Variants in CDH13 observed in about 807,000 individuals in gnomAD.
CDH13 encodes the protein cadherin-13.
Under a neutral mutation model 63.8 loss-of-function variants are expected in CDH13, and 24 were observed. The ratio of observed to expected loss-of-function variants is 0.38; its 90% CI spans 0.27 to 0.53. The LOEUF (loss-of-function observed/expected upper bound fraction) is 0.53. Among genes scored for constraint, CDH13 ranks in the 20% least tolerant of loss-of-function variants. The probability of loss-of-function intolerance (pLI) is 0.85; values close to 1 mark genes in which losing one functional copy is unlikely to be tolerated. For missense variants in CDH13, 1,049 were observed against 903.1 expected (o/e 1.16, Z -2.07); for synonymous variants, 503 against 355.3 (o/e 1.42, Z -4.67).
At chr16:83,044,655 C>G (rs902519363) in intron 3 of CDH13, among the ~76,000 whole-genome samples, 2 of 152,100 alleles carry the variant, frequency 1.3e-5, no homozygotes, top group African/African-American at 2.4e-5. Context: ...TATGCATTAC[C>G]CGATTTAAGC....
intron 1 of CDH13, among the ~76,000 whole-genome samples, chr16:82,753,247 C>T (rs2034489129): frequency 6.6e-6 from 1 of 152,186 alleles, no homozygotes; most frequent in Admixed American, 6.5e-5. Flanking sequence ...TGGATGGCAT[C>T]TCAGTTCAAT....
At chr16:83,621,911 C>T (rs1032894167) in intron 8 of CDH13, among the ~76,000 whole-genome samples, 1 of 152,088 alleles carries the variant, frequency 6.6e-6, no homozygotes, top group Non-Finnish European at 1.5e-5. Context: ...TCTGTCCCTC[C>T]GTCATTTCTT....
intron 1 of CDH13, among the ~76,000 whole-genome samples, chr16:82,772,483 G>A (rs7195472): frequency 0.08 from 12,230 of 152,208 alleles, 607 homozygotes; most frequent in East Asian, 0.23. Context: ...GTGAGAGGGA[G>A]GGGAACATGC....
At chr16:83,271,553 G>A (rs1156304743) in intron 5 of CDH13, among the ~76,000 whole-genome samples, 1 of 142,702 alleles carries the variant, frequency 7.0e-6, no homozygotes, top group African/African-American at 2.6e-5. Flanking sequence ...GTACCTAGAA[G>A]TAACTGTCCA....
At chr16:82,845,186 G>C (rs1018929612) in intron 1 of CDH13, among the ~76,000 whole-genome samples, 2 of 152,144 alleles carry the variant, frequency 1.3e-5, no homozygotes, top group Non-Finnish European at 2.9e-5. Context: ...TAGACAGCCA[G>C]GGGCCAGTGC....
At chr16:82,722,270 G>A (rs1411481600) in intron 1 of CDH13, among the ~76,000 whole-genome samples, 4 of 152,086 alleles carry the variant, frequency 2.6e-5, no homozygotes, top group African/African-American at 4.8e-5. Context: ...GAATACAGGG[G>A]CTTGAATCTT....
At chr16:82,812,490 G>T (rs1276446067) in intron 1 of CDH13, among the ~76,000 whole-genome samples, 2 of 152,110 alleles carry the variant, frequency 1.3e-5, no homozygotes, top group Non-Finnish European at 2.9e-5. Flanking sequence ...GCCAGGTGAG[G>T]TGGTGGAGGT....
intron 2 of CDH13, among the ~76,000 whole-genome samples, chr16:82,967,066 C>G (rs1258505936): frequency 6.6e-6 from 1 of 152,138 alleles, no homozygotes; most frequent in Non-Finnish European, 1.5e-5. Context: ...TTTGTTCTGT[C>G]TTTCGTGACC....
chr16:82,819,254 C>G (rs960808267), intron 1 of CDH13, among the ~76,000 whole-genome samples: 1 of 152,138 alleles, frequency 6.6e-6, no homozygotes, highest in African/African-American at 2.4e-5. Flanking sequence ...CATATTTTAG[C>G]CTGCTAAGCA....
At chr16:83,370,190 A>G (rs147640717) in intron 6 of CDH13, among the ~76,000 whole-genome samples, 1 of 152,288 alleles carries the variant, frequency 6.6e-6, no homozygotes, top group African/African-American at 2.4e-5. Context: ...GATTGAGACC[A>G]TCCTGGCTAA....
At chr16:82,853,476 A>G (rs184379634) in intron 1 of CDH13, among the ~76,000 whole-genome samples, 2 of 152,204 alleles carry the variant, frequency 1.3e-5, no homozygotes, top group South Asian at 4.1e-4. Flanking sequence ...GCTCTTTACA[A>G]TAATTAACTC....
intron 10 of CDH13, among the ~76,000 whole-genome samples, chr16:83,694,299 A>C (rs963314947): frequency 6.6e-6 from 1 of 152,204 alleles, no homozygotes; most frequent in African/African-American, 2.4e-5. Flanking sequence ...AGTTTGCTGG[A>C]GTTGTCTCAT....
chr16:83,732,289 T>C (rs140616954), intron 10 of CDH13, among the ~76,000 whole-genome samples: 2 of 152,098 alleles, frequency 1.3e-5, no homozygotes, highest in Admixed American at 1.3e-4. Flanking sequence ...AGGAGGGAGA[T>C]GATGTGTGAT....
intron 7 of CDH13, among the ~76,000 whole-genome samples, chr16:83,529,572 T>G (rs2075037458): frequency 6.6e-6 from 1 of 152,192 alleles, no homozygotes; most frequent in Admixed American, 6.5e-5. Context: ...CATGCCATTT[T>G]TTTGTGAAAA....
chr16:82,815,723 G>C (rs1270448168), intron 1 of CDH13, among the ~76,000 whole-genome samples: 1 of 152,060 alleles, frequency 6.6e-6, no homozygotes, highest in Non-Finnish European at 1.5e-5. Flanking sequence ...GCCCCTAATC[G>C]TAGACTATCA....
chr16:83,269,960 G>T (rs2088751255), intron 5 of CDH13, among the ~76,000 whole-genome samples: 1 of 152,114 alleles, frequency 6.6e-6, no homozygotes, highest in Non-Finnish European at 1.5e-5. Context: ...CTTTTGAAAT[G>T]GTTCTATTAT....
chr16:83,386,127 C>G (rs926535912), intron 6 of CDH13, among the ~76,000 whole-genome samples: 1 of 152,162 alleles, frequency 6.6e-6, no homozygotes, highest in Non-Finnish European at 1.5e-5. Context: ...AGAAACATGT[C>G]GCTGTTGAGG....
In CDH13 at chr16:83,125,410, C is replaced by T. The variant is rs372289566; in HGVS notation, c.392C>T (p.Ser131Phe). 1.2e-4 allele frequency: 188 copies of T among 1,604,540 alleles called. No individual in the cohort carries two copies. Among genetic ancestry groups the T allele is most frequent in the Non-Finnish European group, 1.5e-4 (175 of 1,171,562 alleles). The change falls in exon 4 of 14, where the codon TCT (serine) becomes TTT (phenylalanine). Residue 131 changes from serine (S) to phenylalanine (F), a missense_variant. Ser to Phe is a radical substitution (Grantham distance 155). Transcript: ENST00000567109. ...LQDIFKFART[S>F]PVPRQKRSIV... is the part of the protein sequence containing the mutation. ...GATATATTTAAATTTGCAAGAACTT[C>T]TCCTGTCCCAAGACAAAAGAGGTCC...
intron 5 of CDH13, among the ~76,000 whole-genome samples, chr16:83,267,501 CTG>C (rs968721705): frequency 6.6e-6 from 1 of 152,056 alleles, no homozygotes; most frequent in African/African-American, 2.4e-5. Flanking sequence ...TTAATTGCCA[CTG>C]TGATGATATT....
Sources: allele counts gnomAD v4.1 joint callset (sites outside exome capture counted in the v4.1 genomes callset), GRCh38; gene constraint gnomAD v4.1.1; transcripts MANE v1.5; gene names NCBI Gene and HGNC (gene_info 2026-07-23, HGNC 2026-07-21).